Variants in CAMK4 observed in about 807,000 individuals in gnomAD.
CAMK4 encodes calcium/calmodulin dependent protein kinase IV.
Under a neutral mutation model 44.9 loss-of-function variants are expected in CAMK4, and 22 were observed. The observed-to-expected ratio is 0.49, with a 90% CI of 0.35 to 0.70. CAMK4 has a LOEUF of 0.70. CAMK4 is among the 30% of genes least tolerant of loss of function. The pLI is 0.01. For missense variants in CAMK4, 498 were observed against 586.8 expected, an observed-to-expected ratio of 0.85 and a Z score of 1.56; for synonymous variants, 218 against 215.4, an observed-to-expected ratio of 1.01 and a Z score of -0.11.
intron 1 of CAMK4, among the ~76,000 whole-genome samples, chr5:111,305,294 C>T (rs369990313): frequency 5.0e-4 from 9 of 18,162 alleles, no homozygotes; most frequent in Non-Finnish European, 3.1e-4. Context: ...TTCAAAAAAT[C>T]AATGAATCCA....
At chr5:111,247,362 AT>A (rs1749285661) in intron 1 of CAMK4, among the ~76,000 whole-genome samples, 1 of 147,468 alleles carries the variant, frequency 6.8e-6, no homozygotes, top group African/African-American at 2.4e-5. Flanking sequence ...TGTAAATAAT[AT>A]TTTTAATAAA....
In CAMK4 at chr5:111,486,964, A is replaced by C. The variant is rs1755654611; in HGVS notation, c.*2498A>C. On this transcript the variant is annotated 3_prime_UTR_variant, in exon 11 of 11. Coordinates refer to ENST00000282356, the MANE Select transcript of CAMK4 (RefSeq NM_001744.6). ...ATTGTTTCAGTAGGAAACAAATCAA[A>C]CTTTCAAAAATGTTGGTCATTTCAG... is the stretch of plus-strand genomic sequence containing the variant. 1 of 152,208 alleles carries C rather than the reference A, an allele frequency of 6.6e-6. No homozygotes were observed. The highest frequency in any genetic ancestry group is 1.9e-4 in the East Asian group (1 of 5,200). 9.4% of individuals were successfully genotyped at this position (152,208 alleles called of 1,614,324 possible).
At chr5:111,441,279 A>T (rs1043722043) in intron 5 of CAMK4, among the ~76,000 whole-genome samples, 2 of 152,212 alleles carry the variant, frequency 1.3e-5, no homozygotes, top group African/African-American at 4.8e-5. Context: ...TATATTAAAA[A>T]TATGTTAGTC....
In CAMK4 at chr5:111,282,146, A is replaced by G. The variant is rs76548392; in HGVS notation, c.161+57502A>G. Among the ~76,000 whole-genome samples, 530 of 152,288 alleles carry G rather than the reference A, an allele frequency of 3.5e-3. 5 individuals are homozygous for G. Among genetic ancestry groups the G allele is most frequent in the African/African-American group, 0.012 (493 of 41,556 alleles). On this transcript the variant is annotated intron_variant, in intron 1 of 10. Coordinates refer to ENST00000282356, the MANE Select transcript of CAMK4 (RefSeq NM_001744.6). ...TTCATTGCATTGTTTTTCCTCAAAGAGAAAGTCAAAAGACAAAGCAAATAT... is the reference window on the plus strand; with the variant it reads ...TTCATTGCATTGTTTTTCCTCAAAGGGAAAGTCAAAAGACAAAGCAAATAT...
In CAMK4 at chr5:111,450,604, A is replaced by G. The variant is rs532913899; in HGVS notation, c.625+1401A>G. Reference sequence around the variant, plus strand: ...GGAGTTTGGGACCAGCCTGGCCAACATGGTGAAACCCCGTCTCTACTAAAA... The same window carrying G: ...GGAGTTTGGGACCAGCCTGGCCAACGTGGTGAAACCCCGTCTCTACTAAAA... On this transcript the variant is annotated intron_variant, in intron 7 of 10. Coordinates refer to ENST00000282356, the MANE Select transcript of CAMK4 (RefSeq NM_001744.6). 4.9e-5 allele frequency among the ~76,000 whole-genome samples: 5 copies of G among 101,752 alleles called. No homozygotes were observed. In the South Asian group the frequency reaches 1.3e-3, roughly 27 times the overall value. The allele number at this position is 101,752 out of a possible 152,430, so 66.8% of individuals were successfully genotyped here. A position where few individuals can be genotyped will look rare whatever the true frequency, so the allele number is the denominator to read the frequency against.
intron 5 of CAMK4, among the ~76,000 whole-genome samples, chr5:111,407,136 G>A (rs148603810): frequency 2.9e-4 from 44 of 152,116 alleles, no homozygotes; most frequent in East Asian, 1.6e-3. Flanking sequence ...GGTGGATCAC[G>A]AGGTCAGGAG....
At chr5:111,232,439 A>T (rs981712271) in intron 1 of CAMK4, among the ~76,000 whole-genome samples, 1 of 152,138 alleles carries the variant, frequency 6.6e-6, no homozygotes, top group Non-Finnish European at 1.5e-5. Context: ...CAGATGGTAC[A>T]TTCTAAGAAG....
intron 1 of CAMK4, among the ~76,000 whole-genome samples, chr5:111,339,335 T>C (rs1034904725): frequency 6.6e-6 from 1 of 151,332 alleles, no homozygotes; most frequent in African/African-American, 2.4e-5. Flanking sequence ...CTTCCTATGT[T>C]TTCACTTAGT....
intron 1 of CAMK4, among the ~76,000 whole-genome samples, chr5:111,329,270 C>G (rs1463861633): frequency 2.0e-5 from 3 of 151,922 alleles, no homozygotes; most frequent in African/African-American, 7.2e-5. Context: ...CAGCCAATAT[C>G]ATACTGAATG....
intron 1 of CAMK4, among the ~76,000 whole-genome samples, chr5:111,227,767 C>T (rs1272083480): frequency 6.6e-6 from 1 of 152,192 alleles, no homozygotes; most frequent in Non-Finnish European, 1.5e-5. Context: ...TTAAAAGTAT[C>T]AGGCAAAGTA....
chr5:111,470,082 G>A (rs773696600), intron 7 of CAMK4, among the ~76,000 whole-genome samples: 10 of 152,222 alleles, frequency 6.6e-5, no homozygotes, highest in Non-Finnish European at 1.0e-4. Flanking sequence ...TCGGCTCCTT[G>A]ACTGGAACAT....
intron 5 of CAMK4, among the ~76,000 whole-genome samples, chr5:111,428,743 A>G (rs1462791293): frequency 6.6e-6 from 1 of 152,206 alleles, no homozygotes; most frequent in Non-Finnish European, 1.5e-5. Context: ...AAATAGTCTT[A>G]AAAGAGCAAA....
At chr5:111,397,811 A>T (rs1752077157) in intron 5 of CAMK4, among the ~76,000 whole-genome samples, 1 of 151,980 alleles carries the variant, frequency 6.6e-6, no homozygotes, top group African/African-American at 2.4e-5. Context: ...CTCTGATATC[A>T]CATGTGACAG....
chr5:111,330,777 T>C (rs1159545531), intron 1 of CAMK4, among the ~76,000 whole-genome samples: 1 of 151,622 alleles, frequency 6.6e-6, no homozygotes, highest in Admixed American at 6.6e-5. Context: ...TAGTGAGGCG[T>C]TGGCATAACA....
At chr5:111,261,759 A>T (rs1213905865) in intron 1 of CAMK4, among the ~76,000 whole-genome samples, 2 of 152,092 alleles carry the variant, frequency 1.3e-5, no homozygotes, top group Non-Finnish European at 1.5e-5. Flanking sequence ...CCCTTCAGGT[A>T]TGGGGCCCTG....
intron 2 of CAMK4, among the ~76,000 whole-genome samples, chr5:111,356,150 C>T (rs1202072679): frequency 0.039 from 5,622 of 143,768 alleles, 260 homozygotes; most frequent in African/African-American, 0.14. Flanking sequence ...TTCTCCACAT[C>T]CTCTCCAGCA....
At chr5:111,408,717 G>T (rs534015955) in intron 5 of CAMK4, among the ~76,000 whole-genome samples, 1 of 152,156 alleles carries the variant, frequency 6.6e-6, no homozygotes, top group Admixed American at 6.5e-5. Flanking sequence ...CTGCCTATGA[G>T]GCTATAAAAT....
At chr5:111,237,491 T>G (rs1206789943) in intron 1 of CAMK4, among the ~76,000 whole-genome samples, 1 of 152,172 alleles carries the variant, frequency 6.6e-6, no homozygotes, top group Non-Finnish European at 1.5e-5. Flanking sequence ...TCACATAAAT[T>G]TTATTCTCAT....
chr5:111,415,864 A>G (rs1752797143), intron 5 of CAMK4, among the ~76,000 whole-genome samples: 1 of 152,258 alleles, frequency 6.6e-6, no homozygotes, highest in Non-Finnish European at 1.5e-5. Context: ...ACAATGCAGT[A>G]TAACAACTAT....
Sources: gnomAD v4.1 joint callset for allele counts (sites outside exome capture counted in the v4.1 genomes callset) on GRCh38, gnomAD v4.1.1 for gene constraint, MANE v1.5 for transcripts, NCBI Gene and HGNC (gene_info 2026-07-23, HGNC 2026-07-21) for gene names.